The following PXK variants were observed in gnomAD, a reference collection of about 807,000 sequenced individuals.
PXK encodes PX domain-containing protein kinase-like protein.
Under a neutral mutation model 84.7 loss-of-function variants are expected in PXK, and 35 were observed. The ratio of observed to expected loss-of-function variants is 0.41; its 90% CI spans 0.32 to 0.55. The LOEUF is 0.55. Ranked by LOEUF, PXK falls within the 20% of genes least tolerant of loss-of-function variation. The probability of loss-of-function intolerance (pLI) is 0.21; values close to 1 mark genes in which losing one functional copy is unlikely to be tolerated. For synonymous variants in PXK, 253 were observed against 260.8 expected, an observed-to-expected ratio of 0.97 and a Z score of 0.29; for missense variants, 634 against 699.7, an observed-to-expected ratio of 0.91 and a Z score of 1.06.
chr3:58,420,535 G>A, intron 17 of PXK: 1 of 1,535,926 alleles, frequency 6.5e-7, no homozygotes, highest in Non-Finnish European at 8.7e-7. Flanking sequence ...GCTGTTTTCA[G>A]TAGAGCATGC....
In PXK at chr3:58,413,043, C is replaced by G; in HGVS notation, c.1528+80C>G. The G allele has an allele frequency of 2.0e-6, 3 of 1,473,458 alleles. No individual in the cohort carries two copies. In the South Asian group the frequency reaches 3.4e-5, roughly 17 times the overall value. The allele number at this position is 1,473,458 out of a possible 1,614,324, so 91.3% of individuals were successfully genotyped here. ...GGGCTGTGCCTCTTCCTGCCTTGGC[C>G]CAACAATTTCAGGGGTTAGATAGCA... On this transcript the variant is annotated intron_variant, in intron 17 of 17. Coordinates refer to ENST00000356151, the MANE Select transcript of PXK (RefSeq NM_017771.5).
At chr3:58,408,887 CT>C (rs1338487133) in intron 13 of PXK, 36 bp from the exon 14 acceptor site, 12 of 1,467,942 alleles carry the variant, frequency 8.2e-6, no homozygotes, top group Admixed American at 1.7e-5. Context: ...CTCCAGCCAC[CT>C]TTTTCAATAG....
chr3:58,344,526 GAA>G (rs1333644504), intron 1 of PXK, among the ~76,000 whole-genome samples: 6 of 152,194 alleles, frequency 3.9e-5, no homozygotes, highest in Non-Finnish European at 8.8e-5. Flanking sequence ...AGTGGTGACG[GAA>G]AAGACAAGTG....
chr3:58,415,535 G>A (rs9869576), intron 17 of PXK, among the ~76,000 whole-genome samples: 10,692 of 152,286 alleles, frequency 0.07, 479 homozygotes, highest in South Asian at 0.1. Context: ...AGGAACCTCC[G>A]CATGTTCAGC....
Position 58,421,617 on chromosome 3 carries a change from C to G in PXK, c.1529-3135C>G, listed in dbSNP as rs2061876193. 5.1e-6 allele frequency: 5 copies of G among 988,340 alleles called. No individual in the cohort carries two copies. Among genetic ancestry groups the G allele is most frequent in the African/African-American group, 1.7e-5 (1 of 57,440 alleles). 61.2% of individuals were successfully genotyped at this position (988,340 alleles called of 1,614,324 possible). A position where few individuals can be genotyped will look rare whatever the true frequency, so the allele number is the denominator to read the frequency against. On this transcript the variant is annotated intron_variant, in intron 17 of 17. Coordinates refer to ENST00000356151, the MANE Select transcript of PXK (RefSeq NM_017771.5). The surrounding 1 kb of genome is among the most constrained non-coding windows in gnomAD (Gnocchi z 5.5). ...ACTGGAGGGAGGGACCCTCAGACAT[C>G]CTGTCCACAAGGCTGTCAAGGGGGT...
At chr3:58,384,460 A>G (rs970427662) in intron 4 of PXK, among the ~76,000 whole-genome samples, 5 of 145,200 alleles carry the variant, frequency 3.4e-5, no homozygotes, top group African/African-American at 1.3e-4. Context: ...GTGAGTTGTT[A>G]CAAGGATTCC....
chr3:58,412,817 C>A lies in PXK; in HGVS notation c.1466-84C>A. On this transcript the variant is annotated intron_variant, in intron 16 of 17. Coordinates refer to ENST00000356151, the MANE Select transcript of PXK (RefSeq NM_017771.5). This position sits in a 1 kb window ranked among gnomAD's most constrained non-coding sequence, Gnocchi z 6.2. ...ACACACTAAGCCAAATGTAGATTCTCAGACAGCAGTGGGTCCCAGCCTGGG... is the reference window on the plus strand; with the variant it reads ...ACACACTAAGCCAAATGTAGATTCTAAGACAGCAGTGGGTCCCAGCCTGGG... The A allele has an allele frequency of 1.5e-6, 2 of 1,367,984 alleles. No individual in the cohort carries two copies. Among genetic ancestry groups the A allele is most frequent in the South Asian group, 1.2e-5 (1 of 85,870 alleles). The allele number at this position is 1,367,984 out of a possible 1,614,324, so 84.7% of individuals were successfully genotyped here.
rs2058359379 is a variant in PXK, at chr3:58,400,306, A to G, written c.1181+929A>G. Among the ~76,000 whole-genome samples, 1 of 152,194 alleles carries G rather than the reference A, an allele frequency of 6.6e-6. No individual in the cohort carries two copies. Among genetic ancestry groups the G allele is most frequent in the Non-Finnish European group, 1.5e-5 (1 of 68,032 alleles). ...TGATCTTTTTTGAATATCACACACCATGCAGTGTATCTGGTGCTTTGTCTG... is the reference window on the plus strand; with the variant it reads ...TGATCTTTTTTGAATATCACACACCGTGCAGTGTATCTGGTGCTTTGTCTG... On this transcript the variant is annotated intron_variant, in intron 12 of 17. Transcript: ENST00000356151. This position sits in a 1 kb window ranked among gnomAD's most constrained non-coding sequence, Gnocchi z 4.0.
chr3:58,408,140 T>C (rs918254603), intron 13 of PXK, among the ~76,000 whole-genome samples: 4 of 152,240 alleles, frequency 2.6e-5, no homozygotes, highest in African/African-American at 7.2e-5. Context: ...CTTTCCCCCA[T>C]TGTATGTTCT....
At chr3:58,396,552 G>A (rs142389839) in intron 9 of PXK, among the ~76,000 whole-genome samples, 1 of 152,150 alleles carries the variant, frequency 6.6e-6, no homozygotes, top group East Asian at 1.9e-4. Flanking sequence ...CTTTTTCTGG[G>A]ATCCTGTTGT....
chr3:58,422,008 C>T (rs764977043), intron 17 of PXK: 22 of 985,366 alleles, frequency 2.2e-5, no homozygotes, highest in Non-Finnish European at 2.7e-5. Flanking sequence ...GGAGAGCGCG[C>T]AGGCAGCAGG....
chr3:58,384,103 G>C (rs976064068), intron 4 of PXK, among the ~76,000 whole-genome samples: 1 of 152,168 alleles, frequency 6.6e-6, no homozygotes, highest in African/African-American at 2.4e-5. Context: ...AGTCTGTAAA[G>C]CTTCCCAAGT....
rs1400811536 is a variant in PXK, at chr3:58,398,998, T to C, written c.1103-301T>C. Reference sequence around the variant, plus strand: ...TACTTCTGTGTAGTGTTTACATCTCTTTCAAGAGAACAAACACTTTTATGA... The same window carrying C: ...TACTTCTGTGTAGTGTTTACATCTCCTTCAAGAGAACAAACACTTTTATGA... On this transcript the variant is annotated intron_variant, in intron 11 of 17. Transcript: ENST00000356151. This position sits in a 1 kb window ranked among gnomAD's most constrained non-coding sequence, Gnocchi z 4.5. Among the ~76,000 whole-genome samples the C allele has an allele frequency of 6.6e-6, 1 of 152,246 alleles. No individual in the cohort carries two copies. Among genetic ancestry groups the C allele is most frequent in the African/African-American group, 2.4e-5 (1 of 41,462 alleles).
chr3:58,408,798 A>AGGCATGAGCCACCGCGCCC, intron 13 of PXK, 126 bp from the exon 14 acceptor site: 1 of 693,900 alleles, frequency 1.4e-6, no homozygotes, highest in South Asian at 1.6e-5. Flanking sequence ...CTGGGATTAC[A>AGGCATGAGCCACCGCGCCC]GGCATGAGCC....
intron 1 of PXK, among the ~76,000 whole-genome samples, chr3:58,354,773 A>G (rs576714740): frequency 1.4e-4 from 22 of 152,136 alleles, no homozygotes; most frequent in South Asian, 8.3e-4. Flanking sequence ...GTTTAGAACA[A>G]TGGTTCTCAC....
At chr3:58,394,371 C>A (rs11130636) in intron 7 of PXK, among the ~76,000 whole-genome samples, 44,620 of 152,098 alleles carry the variant, frequency 0.29, 7,325 homozygotes, top group Middle Eastern at 0.39. Flanking sequence ...TGCTTAATGT[C>A]AGTTTCTCCA....
chr3:58,376,347 G>A (rs55799496), intron 3 of PXK, among the ~76,000 whole-genome samples: 3 of 152,234 alleles, frequency 2.0e-5, no homozygotes, highest in East Asian at 1.9e-4. Flanking sequence ...CCCAGGAGGC[G>A]GAGGTTGCAG....
rs1476459132 is a variant in PXK, at chr3:58,409,979, C to T, written c.1396-111C>T. On this transcript the variant is annotated intron_variant, in intron 15 of 17. Coordinates refer to ENST00000356151, the MANE Select transcript of PXK (RefSeq NM_017771.5). The surrounding 1 kb of genome is among the most constrained non-coding windows in gnomAD (Gnocchi z 4.2). ...ATGGGGCTGAATATTACCTTGTCTG[C>T]AGCTAGTTTAATGGTATGCCTGGAA... The T allele has an allele frequency of 5.8e-6, 4 of 690,362 alleles. No homozygotes were observed. In the Admixed American group the frequency reaches 9.6e-5, roughly 16 times the overall value. The allele number at this position is 690,362 out of a possible 1,614,324, so 42.8% of individuals were successfully genotyped here.
At chr3:58,350,151 A>T (rs2097895834) in intron 1 of PXK, among the ~76,000 whole-genome samples, 1 of 152,206 alleles carries the variant, frequency 6.6e-6, no homozygotes, top group African/African-American at 2.4e-5. Flanking sequence ...CACTTTAGGC[A>T]TGTTCTTATA....
Sources: allele counts gnomAD v4.1 joint callset (sites outside exome capture counted in the v4.1 genomes callset), GRCh38; gene constraint gnomAD v4.1.1; non-coding constraint Gnocchi (gnomAD v3.1); transcripts MANE v1.5; gene names NCBI Gene and HGNC (gene_info 2026-07-23, HGNC 2026-07-21).